Variants in SLC17A3 observed in about 807,000 individuals in gnomAD.
SLC17A3 encodes the protein sodium-dependent phosphate transport protein 4.
In SLC17A3, 61 loss-of-function variants were observed where a neutral mutation model predicts 60.3. That is an observed-to-expected ratio of 1.01 (90% CI 0.82 to 1.25). The LOEUF is 1.25. SLC17A3 is among the 50% of genes most tolerant of loss of function. The pLI, the probability that SLC17A3 is intolerant of heterozygous loss-of-function variation, is 0.00. For missense variants in SLC17A3, 624 were observed against 594.9 expected (o/e 1.05, Z -0.51); for synonymous variants, 192 against 208.9 (o/e 0.92, Z 0.70).
At chr6:25,849,551 A>C (rs1165189) in intron 10 of SLC17A3, 87 bp from the exon 11 acceptor site, 190,140 of 822,950 alleles carry the variant, frequency 0.23, 23,176 homozygotes, top group African/African-American at 0.31. Flanking sequence ...TCTATAACTC[A>C]ATTATATTTC....
chr6:25,849,832 T>TA lies in SLC17A3; in HGVS notation c.1243dup (p.Tyr415LeufsTer39). The TA allele has an allele frequency of 3.1e-6, 5 of 1,613,950 alleles. No homozygotes were observed. The highest frequency in any genetic ancestry group is 4.2e-6 in the Non-Finnish European group (5 of 1,179,826). The stretch of plus-strand genomic sequence containing the variant: ...TGGAGCAATATCTAAGACATTGATA[T>TA]AAATCCCTGACTGACACAATGTGCT... On this transcript the variant is annotated frameshift_variant, in exon 10 of 13. Transcript: ENST00000397060. LOFTEE classifies it high-confidence loss of function.
At chr6:25,871,304 C>A (rs113290533) in intron 1 of SLC17A3, among the ~76,000 whole-genome samples, 5,009 of 152,044 alleles carry the variant, frequency 0.033, 243 homozygotes, top group African/African-American at 0.11. Context: ...GAATACTATG[C>A]AGCCATAAAA....
At chr6:25,849,755 T>G in intron 10 of SLC17A3, 50 bp downstream of exon 10, 1 of 1,596,398 alleles carries the variant, frequency 6.3e-7, no homozygotes, top group Non-Finnish European at 8.6e-7. Flanking sequence ...AGCTGAAAGC[T>G]AAATCTTTTA....
At chr6:25,859,703 A>G (rs1005232201) in intron 5 of SLC17A3, among the ~76,000 whole-genome samples, 5 of 152,166 alleles carry the variant, frequency 3.3e-5, no homozygotes, top group East Asian at 1.9e-4. Context: ...TTGAACCTCA[A>G]CTCTGGTTCT....
chr6:25,858,615 C>T (rs1232250398), intron 5 of SLC17A3, among the ~76,000 whole-genome samples: 1 of 152,136 alleles, frequency 6.6e-6, no homozygotes, highest in Non-Finnish European at 1.5e-5. Context: ...CTCCTCTTCT[C>T]CATCTATGTT....
chr6:25,857,557 CAAA>C (rs577314037), intron 5 of SLC17A3, among the ~76,000 whole-genome samples: 2 of 113,580 alleles, frequency 1.8e-5, no homozygotes. Context: ...CACATAACGT[CAAA>C]AAAAAAAAAA....
intron 6 of SLC17A3, among the ~76,000 whole-genome samples, chr6:25,854,823 C>T (rs1765333304): frequency 6.6e-6 from 1 of 151,388 alleles, no homozygotes; most frequent in Non-Finnish European, 1.5e-5. Context: ...ACAGCAGCAC[C>T]TACCTGTCTG....
rs966794733 is a variant in SLC17A3 at position 25,851,542 on chromosome 6, T to A, written c.713-665A>T. 1.7e-4 allele frequency among the ~76,000 whole-genome samples: 26 copies of A among 152,276 alleles called. 2 individuals are homozygous for A. The highest frequency in any genetic ancestry group is 1.5e-3 in the Admixed American group (23 of 15,300). On this transcript the variant is annotated intron_variant, in intron 6 of 12. Coordinates refer to ENST00000397060, the MANE Select transcript of SLC17A3 (RefSeq NM_001098486.2). ...AATAATTTCAGGTTTTATATTTAGG[T>A]CTGGGATTCATTTTGGTTTAGTTTT...
Position 25,845,387 on chromosome 6 carries a change from A to G in SLC17A3, c.1492T>C (p.Leu498=). 1 of 1,613,836 alleles carries G rather than the reference A, an allele frequency of 6.2e-7. No individual in the cohort carries two copies. The highest frequency in any genetic ancestry group is 1.7e-5 in the Admixed American group (1 of 60,000). The change falls in exon 12 of 13, where the codon TTA becomes CTA. Residue 498 remains leucine (L), a synonymous_variant. Transcript: ENST00000397060. ...EWAKERKLTR[L] ...AAAATCACTATCCTTTACCTTCATA[A>G]ACGAGTGAGTTTTCTCTCTTTAGCC...
At chr6:25,855,450 C>T (rs1435130130) in intron 5 of SLC17A3, among the ~76,000 whole-genome samples, 1 of 152,178 alleles carries the variant, frequency 6.6e-6, no homozygotes, top group Non-Finnish European at 1.5e-5. Context: ...TAGCAGATGA[C>T]TGTCATACTT....
At chr6:25,857,454 A>C (rs992346367) in intron 5 of SLC17A3, among the ~76,000 whole-genome samples, 1 of 151,774 alleles carries the variant, frequency 6.6e-6, no homozygotes, top group African/African-American at 2.4e-5. Context: ...GGTGTTTTGT[A>C]ATTCAACTGT....
intron 10 of SLC17A3, 77 bp downstream of exon 10, chr6:25,849,728 G>GT: frequency 6.6e-7 from 1 of 1,521,526 alleles, no homozygotes; most frequent in Non-Finnish European, 9.1e-7. Context: ...CATTTCCTAA[G>GT]TTTGGGGATC....
At chr6:25,858,721 C>T (rs755161639) in intron 5 of SLC17A3, among the ~76,000 whole-genome samples, 6 of 152,284 alleles carry the variant, frequency 3.9e-5, no homozygotes, top group African/African-American at 1.2e-4. Flanking sequence ...TTTCTCATGT[C>T]GCTACCAAAT....
At chr6:25,859,258 T>A (rs914867185) in intron 5 of SLC17A3, among the ~76,000 whole-genome samples, 2 of 152,164 alleles carry the variant, frequency 1.3e-5, no homozygotes, top group African/African-American at 4.8e-5. Context: ...AGTCAGGCAA[T>A]GATTTTAAAC....
At chr6:25,867,963 T>A (rs1035488024) in intron 2 of SLC17A3, among the ~76,000 whole-genome samples, 3 of 151,696 alleles carry the variant, frequency 2.0e-5, no homozygotes, top group Non-Finnish European at 2.9e-5. Context: ...CTATAATTAG[T>A]TTTTTTTACT....
chr6:25,847,468 G>T (rs1411729365), intron 11 of SLC17A3, among the ~76,000 whole-genome samples: 1 of 152,114 alleles, frequency 6.6e-6, no homozygotes, highest in African/African-American at 2.4e-5. Flanking sequence ...TCTGTTTTTA[G>T]CTCTTTGAGG....
intron 2 of SLC17A3, among the ~76,000 whole-genome samples, chr6:25,863,389 C>T (rs956834112): frequency 1.3e-5 from 2 of 151,946 alleles, no homozygotes; most frequent in Non-Finnish European, 2.9e-5. Flanking sequence ...ATTTGAAGAG[C>T]AAATAAAATA....
chr6:25,845,084 G>A lies in SLC17A3; in HGVS notation c.*217C>T. 2.9e-6 allele frequency: 1 copy of A among 350,666 alleles called. No homozygotes were observed. Among genetic ancestry groups the A allele is most frequent in the Non-Finnish European group, 5.4e-6 (1 of 185,110 alleles). 21.7% of individuals were successfully genotyped at this position (350,666 alleles called of 1,614,324 possible). A position where few individuals can be genotyped will look rare whatever the true frequency, so the allele number is the denominator to read the frequency against. ...CCTCTTAATCCATTGTTAATTCTAT[G>A]AAGATGACAACTGCATTCTTAGTTA... On this transcript the variant is annotated 3_prime_UTR_variant, in exon 13 of 13. Coordinates refer to ENST00000397060, the MANE Select transcript of SLC17A3 (RefSeq NM_001098486.2).
At chr6:25,851,791 C>T (rs1053964884) in intron 6 of SLC17A3, among the ~76,000 whole-genome samples, 6 of 152,090 alleles carry the variant, frequency 3.9e-5, no homozygotes, top group African/African-American at 1.4e-4. Flanking sequence ...GTCTTAAAGA[C>T]TATAACTTTA....
Sources: gnomAD v4.1 joint callset for allele counts (sites outside exome capture counted in the v4.1 genomes callset) on GRCh38, gnomAD v4.1.1 for gene constraint, MANE v1.5 for transcripts, NCBI Gene and HGNC (gene_info 2026-07-23, HGNC 2026-07-21) for gene names.